LARS2: variants seen among roughly 807,000 people sequenced by gnomAD.
LARS2 encodes the protein leucyl-tRNA synthetase 2, mitochondrial.
In LARS2, 81 loss-of-function variants were observed where a neutral mutation model predicts 116.6. The observed-to-expected ratio is 0.69, with a 90% CI of 0.58 to 0.84. LARS2 has a LOEUF of 0.84. LARS2 is among the 40% of genes least tolerant of loss of function. LARS2 has a pLI of 0.00. For missense variants in LARS2, 968 were observed against 1,114.5 expected, an observed-to-expected ratio of 0.87 and a Z score of 1.87; for synonymous variants, 396 against 407.2, an observed-to-expected ratio of 0.97 and a Z score of 0.33.
chr3:45,449,156 A>ATT (rs1161349903), intron 7 of LARS2, among the ~76,000 whole-genome samples: 14,214 of 102,778 alleles, frequency 0.14, 1,279 homozygotes, highest in Non-Finnish European at 0.18. Context: ...TTAACTCACT[A>ATT]TTTTTTTTTT....
intron 14 of LARS2, 100 bp from the exon 15 acceptor site, chr3:45,500,342 C>T (rs887389440): frequency 6.3e-6 from 7 of 1,116,950 alleles, no homozygotes; most frequent in South Asian, 1.5e-5. Context: ...TTCCCTGATA[C>T]GGTTCATTTC....
chr3:45,413,690 G>T (rs1295635405), intron 4 of LARS2, among the ~76,000 whole-genome samples: 1 of 152,232 alleles, frequency 6.6e-6, no homozygotes, highest in Non-Finnish European at 1.5e-5. Flanking sequence ...TGTTTCATCG[G>T]ACTACTAAAA....
chr3:45,522,504 A>G (rs1700470368), intron 19 of LARS2, among the ~76,000 whole-genome samples: 1 of 152,204 alleles, frequency 6.6e-6, no homozygotes, highest in East Asian at 1.9e-4. Flanking sequence ...GTCAAGGCAG[A>G]TAGATCGCTT....
chr3:45,465,541 T>A (rs1186735140), intron 8 of LARS2, among the ~76,000 whole-genome samples: 1 of 152,194 alleles, frequency 6.6e-6, no homozygotes. Context: ...AGCAAAAAGC[T>A]GCCTGAATAG....
rs1335043475 is a variant in LARS2 at position 45,496,330 on chromosome 3, GCTTGGTACTA to G, written c.1583_1592del (p.Trp528SerfsTer103). On this transcript the variant is annotated frameshift_variant, in exon 14 of 22. Coordinates refer to ENST00000645846, the MANE Select transcript of LARS2 (RefSeq NM_015340.4). LOFTEE classifies it high-confidence loss of function. ...CACGATGGATACCTTTGTTGATTCT[GCTTGGTACTA>G]CTTCAGATACACTGACCCTCATAAT... The G allele has an allele frequency of 6.2e-7, 1 of 1,614,020 alleles. No individual in the cohort carries two copies. Among genetic ancestry groups the G allele is most frequent in the South Asian group, 1.1e-5 (1 of 91,082 alleles).
intron 19 of LARS2, 112 bp downstream of exon 19, chr3:45,520,408 C>T (rs1485444393): frequency 4.3e-6 from 3 of 705,380 alleles, no homozygotes; most frequent in Non-Finnish European, 5.1e-6. Flanking sequence ...GTCACCGCCT[C>T]AGTGTGGCTT....
At chr3:45,496,168 A>T in intron 13 of LARS2, 107 bp from the exon 14 acceptor site, 2 of 891,850 alleles carry the variant, frequency 2.2e-6, no homozygotes, top group Non-Finnish European at 3.6e-6. Context: ...CTGTGGCTTT[A>T]TTCTTATGAC....
intron 14 of LARS2, among the ~76,000 whole-genome samples, chr3:45,497,474 C>G (rs1700034479): frequency 6.6e-6 from 1 of 152,152 alleles, no homozygotes; most frequent in African/African-American, 2.4e-5. Flanking sequence ...ACCCTGTTGC[C>G]TACATATAAA....
intron 7 of LARS2, among the ~76,000 whole-genome samples, chr3:45,456,712 T>C (rs1301789716): frequency 1.3e-5 from 2 of 152,250 alleles, no homozygotes; most frequent in Non-Finnish European, 2.9e-5. Flanking sequence ...GTCCCATATT[T>C]TGTCTCTATG....
chr3:45,447,260 T>G (rs1430319466), intron 7 of LARS2, among the ~76,000 whole-genome samples: 2 of 152,122 alleles, frequency 1.3e-5, no homozygotes, highest in Non-Finnish European at 2.9e-5. Flanking sequence ...CTAGCTCAGC[T>G]CCCTCTCCCA....
chr3:45,430,272 A>AATCT (rs1463959360), intron 6 of LARS2, among the ~76,000 whole-genome samples: 8 of 96,690 alleles, frequency 8.3e-5, no homozygotes, highest in Middle Eastern at 6.1e-3. Context: ...GCACCCGGCC[A>AATCT]TTTTTTTTTT....
At chr3:45,509,817 C>A (rs1700258280) in intron 15 of LARS2, among the ~76,000 whole-genome samples, 1 of 151,980 alleles carries the variant, frequency 6.6e-6, no homozygotes, top group Non-Finnish European at 1.5e-5. Flanking sequence ...CTGGGAAATT[C>A]CATGTGAGCA....
chr3:45,535,865 T>C lies in LARS2; in HGVS notation c.2405-5964T>C, dbSNP rs1575319723. On this transcript the variant is annotated intron_variant, in intron 20 of 21. Coordinates refer to ENST00000645846, the MANE Select transcript of LARS2 (RefSeq NM_015340.4). ...TGTCAACTTCCTGGTTTTGATATTGTGATATAATCATGCCAGCTGTGACCA... is the reference window on the plus strand; with the variant it reads ...TGTCAACTTCCTGGTTTTGATATTGCGATATAATCATGCCAGCTGTGACCA... Among the ~76,000 whole-genome samples, 5 of 152,204 alleles carry C rather than the reference T, an allele frequency of 3.3e-5. No individual in the cohort carries two copies. The East Asian group carries it at 9.6e-4, about 29-fold the overall frequency.
At position 45,541,858 on chromosome 3, in the gene LARS2, G is replaced by T; in HGVS notation, c.2434G>T (p.Ala812Ser). 1 of 1,614,230 alleles carries T rather than the reference G, an allele frequency of 6.2e-7. No homozygotes were observed. The highest frequency in any genetic ancestry group is 1.3e-5 in the African/African-American group (1 of 75,068). ...GGCGCTGGTGCCGAGGAAGCTCTGT[G>T]CCCACTACACTTGGGATGCCAGTGT... is the stretch of plus-strand genomic sequence containing the variant. ...GLALVPRKLCAHYTWDASVLL... is the reference protein window; with the variant it reads ...GLALVPRKLCSHYTWDASVLL... Residue 812 changes from alanine to serine, a missense_variant, in exon 21 of 22, where the codon GCC (alanine) becomes TCC (serine). By Grantham distance (99) the Ala-to-Ser change is moderately conservative. Transcript: ENST00000645846.
chr3:45,464,014 G>A (rs1249844600), intron 8 of LARS2, among the ~76,000 whole-genome samples: 1 of 152,186 alleles, frequency 6.6e-6, no homozygotes, highest in Non-Finnish European at 1.5e-5. Context: ...ACTTCTGCTG[G>A]TGAGAAGCAG....
intron 17 of LARS2, 44 bp downstream of exon 17, chr3:45,516,320 C>T (rs376011376): frequency 6.4e-6 from 10 of 1,562,872 alleles, no homozygotes; most frequent in Non-Finnish European, 8.7e-6. Flanking sequence ...TTGTGATCTG[C>T]CCTGGACTTT....
intron 4 of LARS2, among the ~76,000 whole-genome samples, chr3:45,415,191 GC>G (rs919020828): frequency 5.3e-5 from 8 of 152,200 alleles, no homozygotes; most frequent in African/African-American, 1.9e-4. Flanking sequence ...GGCCACAGTT[GC>G]TTGAACAGTC....
intron 3 of LARS2, among the ~76,000 whole-genome samples, chr3:45,396,765 T>TCA (rs1698053820): frequency 6.6e-6 from 1 of 152,224 alleles, no homozygotes; most frequent in African/African-American, 2.4e-5. Context: ...GTAAGAAAAC[T>TCA]GAGGCTCAGA....
intron 20 of LARS2, among the ~76,000 whole-genome samples, chr3:45,528,479 T>C (rs112945627): frequency 2.6e-5 from 4 of 152,356 alleles, no homozygotes; most frequent in African/African-American, 9.6e-5. Flanking sequence ...TTTAAGTATA[T>C]ACTCAGTGTT....
Sources: gnomAD v4.1 joint callset for allele counts (sites outside exome capture counted in the v4.1 genomes callset) on GRCh38, gnomAD v4.1.1 for gene constraint, MANE v1.5 for transcripts, NCBI Gene and HGNC (gene_info 2026-07-23, HGNC 2026-07-21) for gene names.